The following KIF26B variants were observed in gnomAD, a reference collection of about 807,000 sequenced individuals.
The protein encoded by KIF26B is kinesin family member 26B, also known as kinesin-like protein KIF26B.
A neutral mutation model predicts 151.2 loss-of-function variants in KIF26B; 63 were observed. The observed-to-expected ratio is 0.42, with a 90% CI of 0.34 to 0.51. The LOEUF is 0.51. KIF26B is among the 20% of genes least tolerant of loss of function. The pLI is 0.07. For synonymous variants in KIF26B, 1,357 were observed against 1,262.1 expected, an observed-to-expected ratio of 1.08 and a Z score of -1.59; for missense variants, 2,813 against 2,913.6, an observed-to-expected ratio of 0.97 and a Z score of 0.79.
intron 5 of KIF26B, among the ~76,000 whole-genome samples, chr1:245,551,198 T>C (rs1312993879): frequency 6.6e-6 from 1 of 152,150 alleles, no homozygotes; most frequent in Non-Finnish European, 1.5e-5. Flanking sequence ...TTAGCCACCA[T>C]GCCCTGCTAA....
intron 4 of KIF26B, among the ~76,000 whole-genome samples, chr1:245,514,101 C>T (rs1660897750): frequency 6.6e-6 from 1 of 152,122 alleles, no homozygotes; most frequent in Non-Finnish European, 1.5e-5. Context: ...TGTAAGTGTT[C>T]TCACCATAAA....
chr1:245,694,935 C>T (rs1374718297), intron 12 of KIF26B, among the ~76,000 whole-genome samples: 1 of 152,216 alleles, frequency 6.6e-6, no homozygotes, highest in Non-Finnish European at 1.5e-5. Flanking sequence ...GGGAGCCCAA[C>T]CCACCGGCGT....
intron 3 of KIF26B, among the ~76,000 whole-genome samples, chr1:245,399,781 G>A (rs937931528): frequency 1.3e-5 from 2 of 152,110 alleles, no homozygotes; most frequent in Non-Finnish European, 2.9e-5. Flanking sequence ...GCACCAATAT[G>A]CATTATTAAA....
intron 2 of KIF26B, among the ~76,000 whole-genome samples, chr1:245,207,569 A>G (rs556772716): frequency 1.3e-5 from 2 of 152,332 alleles, no homozygotes; most frequent in African/African-American, 4.8e-5. Flanking sequence ...AAGGATGAGC[A>G]GTTGGTTTCA....
In KIF26B at chr1:245,318,913, G is replaced by A. The variant is rs904359731; in HGVS notation, c.466-47921G>A. ...AAAAAAACAAAAACCAAAATCTACT[G>A]CATTTTACTCCTATTTAGGAAGAAG... On this transcript the variant is annotated intron_variant, in intron 2 of 14. Transcript: ENST00000407071. This position sits in a 1 kb window ranked among gnomAD's most constrained non-coding sequence, Gnocchi z 4.0. 1.3e-5 allele frequency among the ~76,000 whole-genome samples: 2 copies of A among 152,018 alleles called. No homozygotes were observed. The highest frequency in any genetic ancestry group is 2.9e-5 in the Non-Finnish European group (2 of 68,014).
chr1:245,221,494 G>A (rs1229320312), intron 2 of KIF26B, among the ~76,000 whole-genome samples: 1 of 150,390 alleles, frequency 6.6e-6, no homozygotes, highest in Non-Finnish European at 1.5e-5. Flanking sequence ...TGTAACCTTC[G>A]CTTCCCCTGT....
chr1:245,354,488 T>C lies in KIF26B; in HGVS notation c.466-12346T>C, dbSNP rs955741729. The stretch of plus-strand genomic sequence containing the variant: ...CAGCCTCTTCCACCACACTCTCTCG[T>C]GAACAGCTGGTGACACTGTCAGCGG... On this transcript the variant is annotated intron_variant, in intron 2 of 14. Transcript: ENST00000407071. Among the ~76,000 whole-genome samples, 6 of 152,156 alleles carry C rather than the reference T, an allele frequency of 3.9e-5. 1 individual carries two copies. Among genetic ancestry groups the C allele is most frequent in the Non-Finnish European group, 8.8e-5 (6 of 68,016 alleles).
At chr1:245,638,312 A>T (rs774085051) in intron 9 of KIF26B, among the ~76,000 whole-genome samples, 9 of 151,770 alleles carry the variant, frequency 5.9e-5, no homozygotes, top group Non-Finnish European at 1.0e-4. Context: ...AATGTTACAC[A>T]TTTTGCGTGT....
chr1:245,196,108 G>T lies in KIF26B; in HGVS notation c.465+39425G>T, dbSNP rs1055879989. On this transcript the variant is annotated intron_variant, in intron 2 of 14. Transcript: ENST00000407071. ...ATGGTTTTAGAGCCTTATATATTATGGTGACAGATCCAAGGACACAATGAT... is the reference window on the plus strand; with the variant it reads ...ATGGTTTTAGAGCCTTATATATTATTGTGACAGATCCAAGGACACAATGAT... Among the ~76,000 whole-genome samples the T allele has an allele frequency of 1.6e-4, 24 of 152,138 alleles. 1 individual carries two copies. Among genetic ancestry groups the T allele is most frequent in the African/African-American group, 5.1e-4 (21 of 41,412 alleles).
chr1:245,454,111 G>T (rs1024389749), intron 4 of KIF26B, among the ~76,000 whole-genome samples: 15 of 152,208 alleles, frequency 9.9e-5, no homozygotes, highest in South Asian at 6.2e-4. Flanking sequence ...TTGAAATATT[G>T]GTTTTAATGA....
intron 2 of KIF26B, among the ~76,000 whole-genome samples, chr1:245,212,396 G>A (rs137956333): frequency 2.0e-5 from 3 of 152,276 alleles, no homozygotes; most frequent in East Asian, 1.9e-4. Context: ...CGTGATGGGC[G>A]CAAACCCCTG....
chr1:245,441,868 G>A (rs936371179), intron 4 of KIF26B, among the ~76,000 whole-genome samples: 7 of 152,200 alleles, frequency 4.6e-5, no homozygotes, highest in East Asian at 1.9e-4. Flanking sequence ...TTCTCATGCG[G>A]TTATGATAGC....
At position 245,686,089 on chromosome 1, in the gene KIF26B, C is replaced by A. The variant is rs775401092; in HGVS notation, c.3106C>A (p.Pro1036Thr). ...CAGCAGTAGCCAGCACAGCGCCTCC[C>A]CACTCGTGCAGAGCCCCAGCCTCCA... ...PGSSSQHSASPLVQSPSLQSS... is the reference protein window; with the variant it reads ...PGSSSQHSASTLVQSPSLQSS... The change falls in exon 12 of 15, where the codon CCA becomes ACA. Residue 1036 changes from proline to threonine, a missense_variant. Physicochemically the swap from Pro to Thr is conservative, Grantham distance 38. Transcript: ENST00000407071. This position sits in a 1 kb window ranked among gnomAD's most constrained non-coding sequence, Gnocchi z 5.6. The A allele has an allele frequency of 1.2e-6, 2 of 1,604,438 alleles. No homozygotes were observed. The highest frequency in any genetic ancestry group is 2.7e-5 in the African/African-American group (2 of 74,678).
chr1:245,355,916 C>A (rs1672685879), intron 2 of KIF26B, among the ~76,000 whole-genome samples: 2 of 152,122 alleles, frequency 1.3e-5, no homozygotes, highest in African/African-American at 4.8e-5. Context: ...CTGTCTACTT[C>A]TTCCTTCTCC....
chr1:245,632,693 A>G (rs1445531111), intron 9 of KIF26B, among the ~76,000 whole-genome samples: 1 of 152,176 alleles, frequency 6.6e-6, no homozygotes, highest in Non-Finnish European at 1.5e-5. Context: ...CAATCACTTG[A>G]GCTCAGGAGT....
chr1:245,570,620 A>G (rs1270087997), intron 5 of KIF26B, among the ~76,000 whole-genome samples: 3 of 152,240 alleles, frequency 2.0e-5, no homozygotes, highest in Admixed American at 6.5e-5. Context: ...GGCATGGGCC[A>G]GGAAAGGCTT....
chr1:245,413,626 G>A (rs950070163), intron 3 of KIF26B, among the ~76,000 whole-genome samples: 2 of 152,200 alleles, frequency 1.3e-5, no homozygotes, highest in Admixed American at 6.5e-5. Flanking sequence ...TTGCACCACT[G>A]CACTCCAGCC....
chr1:245,208,408 G>A (rs1669449177), intron 2 of KIF26B, among the ~76,000 whole-genome samples: 2 of 152,112 alleles, frequency 1.3e-5, no homozygotes, highest in Admixed American at 1.3e-4. Context: ...CATTTTCAGG[G>A]GTGTTTCTCT....
chr1:245,155,902 A>ACC lies in KIF26B; in HGVS notation c.64-373_64-372dup, dbSNP rs368852345. ...ATCCTGAAATCACAGCCCTCCCCCT[A>ACC]CCCCCCCCATAGGGTCTTCCAGGAT... On this transcript the variant is annotated intron_variant, in intron 1 of 14. Coordinates refer to ENST00000407071, the MANE Select transcript of KIF26B (RefSeq NM_018012.4). 3.9e-3 allele frequency among the ~76,000 whole-genome samples: 585 copies of ACC among 149,852 alleles called. 3 individuals carry two copies. Among genetic ancestry groups the ACC allele is most frequent in the African/African-American group, 0.014 (560 of 40,604 alleles).
Sources: allele counts gnomAD v4.1 joint callset (sites outside exome capture counted in the v4.1 genomes callset), GRCh38; gene constraint gnomAD v4.1.1; non-coding constraint Gnocchi (gnomAD v3.1); transcripts MANE v1.5; gene names NCBI Gene and HGNC (gene_info 2026-07-23, HGNC 2026-07-21).